Variants in CTNNA2 observed in about 807,000 individuals in gnomAD.
The protein encoded by CTNNA2 is catenin alpha 2.
A neutral mutation model predicts 101.0 loss-of-function variants in CTNNA2; 42 were observed. That is an observed-to-expected ratio of 0.42 (90% CI 0.32 to 0.54). The LOEUF (loss-of-function observed/expected upper bound fraction) is 0.54. Ranked by LOEUF, CTNNA2 falls within the 20% of genes least tolerant of loss-of-function variation. The pLI is 0.14. For missense variants in CTNNA2, 871 were observed against 1,223.1 expected, an observed-to-expected ratio of 0.71 and a Z score of 4.29; for synonymous variants, 450 against 456.4, an observed-to-expected ratio of 0.99 and a Z score of 0.18.
intron 3 of CTNNA2, among the ~76,000 whole-genome samples, chr2:79,338,618 T>TCTG (rs1677059506): frequency 6.7e-6 from 1 of 149,446 alleles, no homozygotes; most frequent in Non-Finnish European, 1.5e-5. Flanking sequence ...TTCTTCTTCT[T>TCTG]CTTCTTCTTC....
In CTNNA2 at chr2:79,897,091, G is replaced by A. The variant is rs193157814; in HGVS notation, c.853-12503G>A. Among the ~76,000 whole-genome samples, 575 of 152,042 alleles carry A rather than the reference G, an allele frequency of 3.8e-3. 2 individuals carry two copies. Among genetic ancestry groups the A allele is most frequent in the African/African-American group, 0.013 (543 of 41,446 alleles). ...GCTGAAAATGACATCTCAATTCAAG[G>A]GCTGGATGAAAATGCAACTCATTGC... On this transcript the variant is annotated intron_variant, in intron 6 of 18. Transcript: ENST00000402739.
chr2:79,788,639 A>G (rs1558930214), intron 3 of CTNNA2, among the ~76,000 whole-genome samples: 1 of 152,192 alleles, frequency 6.6e-6, no homozygotes, highest in Non-Finnish European at 1.5e-5. Flanking sequence ...ATACATGTCC[A>G]CATGCATACA....
intron 2 of CTNNA2, among the ~76,000 whole-genome samples, chr2:79,310,374 C>T (rs186236642): frequency 1.3e-5 from 2 of 152,206 alleles, no homozygotes; most frequent in East Asian, 3.9e-4. Flanking sequence ...TTCATTAAGA[C>T]CTTTCATTTT....
chr2:79,419,237 T>G (rs971228745), intron 4 of CTNNA2, among the ~76,000 whole-genome samples: 3 of 152,180 alleles, frequency 2.0e-5, no homozygotes, highest in Non-Finnish European at 4.4e-5. Context: ...TTTCAAAGAA[T>G]AATTTTCAAA....
chr2:80,117,199 C>A (rs868352828), intron 7 of CTNNA2, among the ~76,000 whole-genome samples: 5 of 152,050 alleles, frequency 3.3e-5, no homozygotes, highest in Admixed American at 6.5e-5. Flanking sequence ...ACAGAAGGAC[C>A]AGTTTTTAGT....
rs1239098356 is a variant in CTNNA2 at position 80,304,328 on chromosome 2, C to A, written c.1057-88883C>A. ...CTCGGCTCGGGGCTGCAAGGGCGGC[C>A]GGCAAGGCGGGGAGGCGACTTCTAG... On this transcript the variant is annotated intron_variant, in intron 7 of 18. Transcript: ENST00000402739. 34 of 152,844 alleles carry A rather than the reference C, an allele frequency of 2.2e-4. 1 individual carries two copies. Among genetic ancestry groups the A allele is most frequent in the Non-Finnish European group, 2.9e-5 (2 of 68,252 alleles). 9.5% of individuals were successfully genotyped at this position (152,844 alleles called of 1,614,324 possible).
At chr2:80,468,670 C>G (rs974979328) in intron 9 of CTNNA2, among the ~76,000 whole-genome samples, 4 of 152,146 alleles carry the variant, frequency 2.6e-5, no homozygotes, top group Non-Finnish European at 5.9e-5. Context: ...CCCACCCTGG[C>G]CTCCCAAAGT....
chr2:79,262,622 C>T (rs543451247), intron 2 of CTNNA2, among the ~76,000 whole-genome samples: 2 of 152,182 alleles, frequency 1.3e-5, no homozygotes, highest in African/African-American at 2.4e-5. Context: ...ATCACCATCA[C>T]CTGGGATCTG....
chr2:79,295,065 C>A (rs1037242908), intron 2 of CTNNA2, among the ~76,000 whole-genome samples: 12 of 151,980 alleles, frequency 7.9e-5, no homozygotes, highest in African/African-American at 2.9e-4. Flanking sequence ...AGGTTTCATG[C>A]AAATTGCTAC....
chr2:80,030,213 T>G (rs1574583674), intron 7 of CTNNA2, among the ~76,000 whole-genome samples: 2 of 150,890 alleles, frequency 1.3e-5, no homozygotes, highest in East Asian at 3.9e-4. Flanking sequence ...GACACATTTT[T>G]GAGATGAGAA....
intron 2 of CTNNA2, among the ~76,000 whole-genome samples, chr2:79,309,712 A>C (rs1271395775): frequency 6.6e-6 from 1 of 152,124 alleles, no homozygotes; most frequent in Non-Finnish European, 1.5e-5. Flanking sequence ...ATTTCTCTAA[A>C]GGTCTGATAA....
At chr2:80,252,615 T>C (rs866554114) in intron 7 of CTNNA2, among the ~76,000 whole-genome samples, 11 of 152,148 alleles carry the variant, frequency 7.2e-5, no homozygotes, top group African/African-American at 2.4e-4. Flanking sequence ...AGAAACTCTT[T>C]GTGATTTCAA....
At chr2:79,618,022 G>A (rs1678746060) in intron 1 of CTNNA2, among the ~76,000 whole-genome samples, 1 of 152,058 alleles carries the variant, frequency 6.6e-6, no homozygotes, top group South Asian at 2.1e-4. Context: ...TTTGATCAGA[G>A]AGCTGAGTCA....
At chr2:80,432,810 A>T (rs1227160727) in intron 9 of CTNNA2, among the ~76,000 whole-genome samples, 3 of 150,260 alleles carry the variant, frequency 2.0e-5, no homozygotes, top group Non-Finnish European at 3.0e-5. Context: ...TTATTACTTA[A>T]TTTTTTTTTT....
chr2:80,228,381 T>A (rs1463075925), intron 7 of CTNNA2, among the ~76,000 whole-genome samples: 1 of 152,136 alleles, frequency 6.6e-6, no homozygotes, highest in East Asian at 1.9e-4. Flanking sequence ...CCCTCAGGCC[T>A]CTTTTACATG....
chr2:80,416,724 T>C (rs1680077636), intron 8 of CTNNA2, among the ~76,000 whole-genome samples: 1 of 152,094 alleles, frequency 6.6e-6, no homozygotes. Context: ...TTTAAGTTAA[T>C]ATTTTCCTAG....
intron 9 of CTNNA2, among the ~76,000 whole-genome samples, chr2:80,540,781 G>A (rs902070541): frequency 8.6e-5 from 13 of 151,978 alleles, no homozygotes; most frequent in Non-Finnish European, 1.8e-4. Context: ...TGCAAACTGC[G>A]CTTCCCGGTC....
chr2:79,959,161 T>A (rs1273826859), intron 7 of CTNNA2, among the ~76,000 whole-genome samples: 1 of 151,990 alleles, frequency 6.6e-6, no homozygotes, highest in African/African-American at 2.4e-5. Flanking sequence ...GCTCAGGAGA[T>A]CCTCCCACCT....
chr2:80,255,820 C>T (rs940643288), intron 7 of CTNNA2, among the ~76,000 whole-genome samples: 1 of 152,146 alleles, frequency 6.6e-6, no homozygotes, highest in East Asian at 1.9e-4. Context: ...TTTATGAACT[C>T]TGTTGGCTTC....
Sources: allele counts gnomAD v4.1 joint callset (sites outside exome capture counted in the v4.1 genomes callset), GRCh38; gene constraint gnomAD v4.1.1; transcripts MANE v1.5; gene names NCBI Gene and HGNC (gene_info 2026-07-23, HGNC 2026-07-21).